NRG1: variants seen among roughly 807,000 people sequenced by gnomAD.
NRG1 encodes pro-neuregulin-1, membrane-bound isoform.
A neutral mutation model predicts 63.8 loss-of-function variants in NRG1; 18 were observed. That is an observed-to-expected ratio of 0.28 (90% CI 0.19 to 0.42). The LOEUF (loss-of-function observed/expected upper bound fraction) is 0.42, where lower values mean the gene tolerates loss of function less well. Among genes scored for constraint, NRG1 ranks in the 10% least tolerant of loss-of-function variants. The pLI is 1.00. For missense variants in NRG1, 762 were observed against 814.7 expected (o/e 0.94, Z 0.79); for synonymous variants, 302 against 301.3 (o/e 1.00, Z -0.02).
intron 1 of NRG1, among the ~76,000 whole-genome samples, chr8:31,641,405 C>T (rs1335077769): frequency 6.6e-6 from 1 of 151,738 alleles, no homozygotes; most frequent in Admixed American, 6.6e-5. Flanking sequence ...GATGTTTTTG[C>T]ACTTCACTGC....
chr8:31,850,154 A>G (rs1442226336), intron 1 of NRG1, among the ~76,000 whole-genome samples: 1 of 152,118 alleles, frequency 6.6e-6, no homozygotes, highest in Non-Finnish European at 1.5e-5. Context: ...AAACACCAGG[A>G]GCAATTCCCA....
intron 5 of NRG1, among the ~76,000 whole-genome samples, chr8:32,699,251 T>C (rs1316656691): frequency 6.6e-6 from 1 of 152,240 alleles, no homozygotes; most frequent in Non-Finnish European, 1.5e-5. Context: ...CAACTTTAAC[T>C]CTGCCTTTAA....
intron 1 of NRG1, among the ~76,000 whole-genome samples, chr8:32,555,688 G>C (rs1025286393): frequency 5.3e-5 from 8 of 152,144 alleles, no homozygotes; most frequent in African/African-American, 1.9e-4. Context: ...AGCCAGGATG[G>C]TCTCCATCTC....
At chr8:31,957,131 A>T (rs1251238820) in intron 1 of NRG1, among the ~76,000 whole-genome samples, 3 of 152,140 alleles carry the variant, frequency 2.0e-5, no homozygotes, top group African/African-American at 7.2e-5. Context: ...GTACAAAAAA[A>T]GTTGGGGAAT....
chr8:31,748,716 G>A (rs753481367), intron 1 of NRG1, among the ~76,000 whole-genome samples: 1 of 151,718 alleles, frequency 6.6e-6, no homozygotes, highest in Non-Finnish European at 1.5e-5. Context: ...TATATCTTTG[G>A]CATCTTTTCA....
chr8:31,699,173 T>A (rs1810377715), intron 1 of NRG1, among the ~76,000 whole-genome samples: 1 of 138,858 alleles, frequency 7.2e-6, no homozygotes, highest in South Asian at 2.6e-4. Flanking sequence ...CATCATTTAC[T>A]AAAATGGGGT....
intron 1 of NRG1, among the ~76,000 whole-genome samples, chr8:31,938,595 T>A (rs1801292444): frequency 6.6e-6 from 1 of 152,150 alleles, no homozygotes; most frequent in Admixed American, 6.5e-5. Context: ...ATTGGAAGGT[T>A]GGTTATTAAG....
intron 1 of NRG1, among the ~76,000 whole-genome samples, chr8:32,206,300 T>G (rs16878964): frequency 0.12 from 18,520 of 152,064 alleles, 1,164 homozygotes; most frequent in East Asian, 0.25. Context: ...CTTCAGTACC[T>G]AATGGCTCTC....
At chr8:32,176,475 A>G (rs1840744029) in intron 1 of NRG1, among the ~76,000 whole-genome samples, 1 of 152,228 alleles carries the variant, frequency 6.6e-6, no homozygotes, top group African/African-American at 2.4e-5. Context: ...AAATTGACAA[A>G]TGCGATCTAA....
At chr8:32,684,058 A>G (rs966245767) in intron 5 of NRG1, among the ~76,000 whole-genome samples, 2 of 152,076 alleles carry the variant, frequency 1.3e-5, no homozygotes, top group Non-Finnish European at 2.9e-5. Context: ...CTAGCCAGGT[A>G]TATTGGTGCA....
At chr8:32,420,463 C>G (rs1816566452) in intron 1 of NRG1, among the ~76,000 whole-genome samples, 1 of 151,822 alleles carries the variant, frequency 6.6e-6, no homozygotes, top group African/African-American at 2.4e-5. Context: ...ATCGAAGGTT[C>G]TTTAAATGTG....
chr8:32,706,000 G>A (rs1405020112), intron 5 of NRG1, among the ~76,000 whole-genome samples: 2 of 152,104 alleles, frequency 1.3e-5, no homozygotes, highest in Non-Finnish European at 2.9e-5. Flanking sequence ...AGACACAGAG[G>A]GAGGGTAGAC....
In NRG1 at chr8:32,359,394, C is replaced by T. The variant is rs539069362; in HGVS notation, c.38-236434C>T. On this transcript the variant is annotated intron_variant, in intron 1 of 10. Coordinates refer to the NRG1 transcript ENST00000519301. ...TTTTATTTTTAAGAATTTTTATATCCCCATGCATTGACTAATCTTGCCCCA... is the reference window on the plus strand; with the variant it reads ...TTTTATTTTTAAGAATTTTTATATCTCCATGCATTGACTAATCTTGCCCCA... Among the ~76,000 whole-genome samples, 42 of 151,892 alleles carry T rather than the reference C, an allele frequency of 2.8e-4. 1 individual carries two copies. In the South Asian group the frequency reaches 8.3e-3, roughly 30 times the overall value.
At chr8:32,199,200 A>G (rs1018679411) in intron 1 of NRG1, among the ~76,000 whole-genome samples, 1 of 151,902 alleles carries the variant, frequency 6.6e-6, no homozygotes, top group Non-Finnish European at 1.5e-5. Context: ...TTTGTTTTTC[A>G]TGGCCACATC....
intron 1 of NRG1, among the ~76,000 whole-genome samples, chr8:31,795,467 T>G (rs1260667647): frequency 6.6e-6 from 1 of 152,166 alleles, no homozygotes; most frequent in African/African-American, 2.4e-5. Flanking sequence ...ATTTCAGACT[T>G]TAGAGAGCAT....
chr8:31,656,694 C>T (rs1805466479), intron 1 of NRG1, among the ~76,000 whole-genome samples: 1 of 152,108 alleles, frequency 6.6e-6, no homozygotes, highest in African/African-American at 2.4e-5. Flanking sequence ...CTGAAGGTCA[C>T]TCGTTTATGT....
At chr8:32,404,623 G>A (rs1813704008) in intron 1 of NRG1, among the ~76,000 whole-genome samples, 1 of 138,742 alleles carries the variant, frequency 7.2e-6, no homozygotes, top group Admixed American at 7.7e-5. Flanking sequence ...CTTGCTCTGT[G>A]GCCTAGGCTG....
intron 1 of NRG1, among the ~76,000 whole-genome samples, chr8:32,054,855 CTTTCTTTCTTTT>C (rs1822593107): frequency 1.8e-5 from 1 of 56,306 alleles, no homozygotes; most frequent in African/African-American, 7.5e-5. Context: ...AAGCAGATTT[CTTTCTTTCTTTT>C]TTTTTTTTTT....
chr8:31,773,130 C>A, intron 1 of NRG1, among the ~76,000 whole-genome samples: 1 of 152,114 alleles, frequency 6.6e-6, no homozygotes, highest in East Asian at 1.9e-4. Flanking sequence ...ATTTTTATAG[C>A]AAGACAAACT....
Sources: gnomAD v4.1 joint callset for allele counts (sites outside exome capture counted in the v4.1 genomes callset) on GRCh38, gnomAD v4.1.1 for gene constraint, MANE v1.5 for transcripts, NCBI Gene and HGNC (gene_info 2026-07-23, HGNC 2026-07-21) for gene names.